The following CAB39 variants were observed in gnomAD, a reference collection of about 807,000 sequenced individuals.
CAB39 encodes the protein calcium binding protein 39, also known as calcium-binding protein 39.
In CAB39, 8 loss-of-function variants were observed where a neutral mutation model predicts 40.0. The ratio of observed to expected loss-of-function variants is 0.20; its 90% CI spans 0.12 to 0.36. The LOEUF (loss-of-function observed/expected upper bound fraction) is 0.36, where lower values mean the gene tolerates loss of function less well. CAB39 is among the 10% of genes least tolerant of loss of function. CAB39 has a pLI of 1.00. For synonymous variants in CAB39, 156 were observed against 141.6 expected (o/e 1.10, Z -0.72); for missense variants, 270 against 401.1 (o/e 0.67, Z 2.79).
At position 230,796,038 on chromosome 2, in the gene CAB39, C is replaced by A. The variant is rs141418456; in HGVS notation, c.399-2691C>A. Among the ~76,000 whole-genome samples, 162 of 152,266 alleles carry A rather than the reference C, an allele frequency of 1.1e-3. 2 individuals are homozygous for A. Among genetic ancestry groups the A allele is most frequent in the East Asian group, 2.1e-3 (11 of 5,180 alleles). On this transcript the variant is annotated intron_variant, in intron 4 of 8. Transcript: ENST00000258418. ...GCCCTTGGGAACTCCTTCAAGTTGC[C>A]TTCTGTGTTGTTTTGGCAAGACCCC...
At chr2:230,769,743 CTGAG>C (rs1695450413) in intron 2 of CAB39, among the ~76,000 whole-genome samples, 1 of 151,612 alleles carries the variant, frequency 6.6e-6, no homozygotes, top group East Asian at 1.9e-4. Context: ...CTTTGGGAGA[CTGAG>C]GCAGGCAAAT....
intron 1 of CAB39, among the ~76,000 whole-genome samples, chr2:230,734,068 C>T (rs1694742331): frequency 6.6e-6 from 1 of 152,210 alleles, no homozygotes; most frequent in African/African-American, 2.4e-5. Flanking sequence ...GTTTGGCCCT[C>T]TAAAAGGTGA....
chr2:230,774,441 T>C (rs1457820065), intron 2 of CAB39, among the ~76,000 whole-genome samples: 1 of 152,194 alleles, frequency 6.6e-6, no homozygotes, highest in Non-Finnish European at 1.5e-5. Flanking sequence ...AAGCGGTTAA[T>C]GTTACCATCC....
chr2:230,724,566 A>T (rs1332424799), intron 1 of CAB39, among the ~76,000 whole-genome samples: 1 of 151,902 alleles, frequency 6.6e-6, no homozygotes, highest in Non-Finnish European at 1.5e-5. Flanking sequence ...CTATAATCCC[A>T]GCTACTTGGG....
At chr2:230,749,292 A>G (rs978383191) in intron 1 of CAB39, among the ~76,000 whole-genome samples, 10 of 152,068 alleles carry the variant, frequency 6.6e-5, no homozygotes, top group African/African-American at 2.4e-5. Context: ...CTTTTTTAGC[A>G]TGACCTCATA....
chr2:230,818,467 C>G lies in CAB39; in HGVS notation c.838-49C>G, dbSNP rs750879893. ...CACTGTGGCCGCAGCTCAGGTGTGGCTGCGTTTTGTCCTTTCTCTGTGCCT... is the reference window on the plus strand; with the variant it reads ...CACTGTGGCCGCAGCTCAGGTGTGGGTGCGTTTTGTCCTTTCTCTGTGCCT... On this transcript the variant is annotated intron_variant, in intron 8 of 8. Coordinates refer to ENST00000258418, the MANE Select transcript of CAB39 (RefSeq NM_016289.4). 6 of 1,509,660 alleles carry G rather than the reference C, an allele frequency of 4.0e-6. No individual in the cohort carries two copies. The African/African-American group carries it at 5.5e-5, about 14-fold the overall frequency. 93.5% of individuals were successfully genotyped at this position (1,509,660 alleles called of 1,614,324 possible).
chr2:230,782,204 T>A (rs1361458185), intron 2 of CAB39, among the ~76,000 whole-genome samples: 2 of 152,200 alleles, frequency 1.3e-5, no homozygotes, highest in Non-Finnish European at 2.9e-5. Context: ...TCATCTTCAG[T>A]TAGTAAATAC....
chr2:230,781,768 G>T (rs1695690852), intron 2 of CAB39, among the ~76,000 whole-genome samples: 1 of 152,220 alleles, frequency 6.6e-6, no homozygotes. Flanking sequence ...ATGCCTGCAG[G>T]CCAGAGGTGG....
chr2:230,809,106 C>T (rs1187310704), intron 5 of CAB39, among the ~76,000 whole-genome samples: 1 of 152,184 alleles, frequency 6.6e-6, no homozygotes, highest in Non-Finnish European at 1.5e-5. Flanking sequence ...CAGTAGGTAA[C>T]CACGCAGTGG....
chr2:230,732,377 C>T (rs371734531), intron 1 of CAB39, among the ~76,000 whole-genome samples: 2 of 152,138 alleles, frequency 1.3e-5, no homozygotes, highest in African/African-American at 2.4e-5. Flanking sequence ...CCACCGCGCC[C>T]GGCCGAAATT....
chr2:230,784,771 C>T (rs1054497444), intron 2 of CAB39, among the ~76,000 whole-genome samples: 4 of 152,130 alleles, frequency 2.6e-5, no homozygotes, highest in African/African-American at 9.7e-5. Context: ...GATCTCTCAG[C>T]AGAGAGAGCT....
At chr2:230,773,126 A>G (rs1027683061) in intron 2 of CAB39, among the ~76,000 whole-genome samples, 2 of 152,176 alleles carry the variant, frequency 1.3e-5, no homozygotes, top group African/African-American at 2.4e-5. Flanking sequence ...AACAAAGCTA[A>G]TCCATAATTA....
chr2:230,717,585 A>G (rs1559586008), intron 1 of CAB39, among the ~76,000 whole-genome samples: 2 of 152,228 alleles, frequency 1.3e-5, no homozygotes, highest in Admixed American at 1.3e-4. Flanking sequence ...AGAGTAGAAC[A>G]GTCTGTGAAT....
chr2:230,713,631 A>G (rs1262079356), intron 1 of CAB39: 1 of 152,316 alleles, frequency 6.6e-6, no homozygotes, highest in Non-Finnish European at 1.5e-5. Flanking sequence ...GCCCCTGGTA[A>G]ACTTCCTGTT....
At chr2:230,804,947 C>T (rs1484316521) in intron 5 of CAB39, among the ~76,000 whole-genome samples, 1 of 152,152 alleles carries the variant, frequency 6.6e-6, no homozygotes, top group African/African-American at 2.4e-5. Context: ...CACATGCACA[C>T]GTATATTTAC....
intron 2 of CAB39, among the ~76,000 whole-genome samples, chr2:230,773,314 A>ATATATATATGTGTGTGTGTG (rs371297550): frequency 3.8e-5 from 5 of 132,682 alleles, no homozygotes; most frequent in African/African-American, 1.5e-4. Flanking sequence ...ATATATATAT[A>ATATATATATGTGTGTGTGTG]TGTGTGTGTG....
intron 1 of CAB39, chr2:230,713,940 C>G (rs1374980148): frequency 2.0e-5 from 3 of 152,360 alleles, no homozygotes; most frequent in African/African-American, 7.2e-5. Flanking sequence ...GAACGGCACC[C>G]GGAAAAACCG....
chr2:230,757,131 A>G (rs1695206813), intron 1 of CAB39, among the ~76,000 whole-genome samples: 1 of 151,226 alleles, frequency 6.6e-6, no homozygotes, highest in African/African-American at 2.4e-5. Context: ...AATTTAAGTC[A>G]GGGCCTTACT....
intron 5 of CAB39, among the ~76,000 whole-genome samples, chr2:230,809,313 T>C (rs990767902): frequency 1.4e-4 from 21 of 152,214 alleles, no homozygotes; most frequent in African/African-American, 5.1e-4. Flanking sequence ...ACACTAGTTC[T>C]TTGTAACCTG....
Sources: gnomAD v4.1 joint callset for allele counts (sites outside exome capture counted in the v4.1 genomes callset) on GRCh38, gnomAD v4.1.1 for gene constraint, MANE v1.5 for transcripts, NCBI Gene and HGNC (gene_info 2026-07-23, HGNC 2026-07-21) for gene names.